Variants in NUMA1 observed in about 807,000 individuals in gnomAD.
NUMA1 encodes the protein SP-H antigen.
Under a neutral mutation model 237.1 loss-of-function variants are expected in NUMA1, and 62 were observed. The ratio of observed to expected loss-of-function variants is 0.26; its 90% CI spans 0.21 to 0.32. The LOEUF is 0.32. NUMA1 is among the 10% of genes least tolerant of loss of function. The pLI, the probability that NUMA1 is intolerant of heterozygous loss-of-function variation, is 1.00. For missense variants in NUMA1, 2,533 were observed against 2,666.5 expected, an observed-to-expected ratio of 0.95 and a Z score of 1.10; for synonymous variants, 1,028 against 1,066.1, an observed-to-expected ratio of 0.96 and a Z score of 0.70.
intron 1 of NUMA1, among the ~76,000 whole-genome samples, chr11:72,074,491 C>A (rs1344193191): frequency 6.6e-6 from 1 of 152,208 alleles, no homozygotes; most frequent in African/African-American, 2.4e-5. Flanking sequence ...GTGGTTTGTG[C>A]TTGTAATCCC....
chr11:72,033,756 C>T (rs1468549552), intron 3 of NUMA1, among the ~76,000 whole-genome samples: 1 of 152,176 alleles, frequency 6.6e-6, no homozygotes, highest in Admixed American at 6.5e-5. Flanking sequence ...CGCAGTGGCT[C>T]ATGCCTACAA....
chr11:72,077,351 ATCTT>A (rs1943757326), intron 1 of NUMA1, among the ~76,000 whole-genome samples: 1 of 152,230 alleles, frequency 6.6e-6, no homozygotes, highest in African/African-American at 2.4e-5. Context: ...AGCAAAGAAG[ATCTT>A]AAAAACAAAC....
intron 16 of NUMA1, 87 bp from the exon 17 acceptor site, chr11:72,010,941 G>T (rs1257211788): frequency 1.7e-6 from 2 of 1,164,718 alleles, no homozygotes; most frequent in Admixed American, 1.7e-5. Flanking sequence ...GGGTTTCCCA[G>T]ACCAGGATCC....
chr11:72,013,406 A>G lies in NUMA1; in HGVS notation c.4097T>C (p.Leu1366Pro). 1 of 1,612,628 alleles carries G rather than the reference A, an allele frequency of 6.2e-7. No individual in the cohort carries two copies. The highest frequency in any genetic ancestry group is 8.5e-7 in the Non-Finnish European group (1 of 1,179,908). Residue 1366 changes from leucine (L) to proline (P), a missense_variant, in exon 15 of 27, where the codon CTC (leucine) becomes CCC (proline). This residue lies in a region of NUMA1 where 324 missense variants were observed against 407.6 expected (regional missense o/e 0.79). Transcript: ENST00000393695. This position sits in a 1 kb window ranked among gnomAD's most constrained non-coding sequence, Gnocchi z 6.8. ...CTGCTCGGCCTGCAGCTGCTGGCAG[A>G]GGTGCTTAGCTGGCAGCAGCTCACT... is the stretch of plus-strand genomic sequence containing the variant. Reference protein sequence around the residue: ...LVSELLPAKHLCQQLQAEQAA... With the variant: ...LVSELLPAKHPCQQLQAEQAA...
chr11:72,033,516 G>A (rs1453137097), intron 3 of NUMA1, among the ~76,000 whole-genome samples: 1 of 151,882 alleles, frequency 6.6e-6, no homozygotes, highest in African/African-American at 2.4e-5. Flanking sequence ...GGAACCACAG[G>A]AGCACACCAC....
intron 2 of NUMA1, among the ~76,000 whole-genome samples, chr11:72,046,916 C>T (rs188366196): frequency 1.1e-4 from 17 of 151,414 alleles, no homozygotes; most frequent in African/African-American, 3.2e-4. Flanking sequence ...GCTGAGATTG[C>T]GCCATTGCAC....
rs1938358331 is a variant in NUMA1 at position 72,019,121 on chromosome 11, C to G, written c.585-141G>C. 6.0e-6 allele frequency: 5 copies of G among 826,572 alleles called. No homozygotes were observed. In the East Asian group the frequency reaches 1.3e-4, roughly 22 times the overall value. 51.2% of individuals were successfully genotyped at this position (826,572 alleles called of 1,614,324 possible). A position where few individuals can be genotyped will look rare whatever the true frequency, so the allele number is the denominator to read the frequency against. ...CTGTGCACCTGGGTTGTTTGCAGTG[C>G]TACCTCAAGCCTCATGACATGATCT... is the stretch of plus-strand genomic sequence containing the variant. On this transcript the variant is annotated intron_variant, in intron 9 of 26. Coordinates refer to ENST00000393695, the MANE Select transcript of NUMA1 (RefSeq NM_006185.4).
intron 9 of NUMA1, 55 bp downstream of exon 9, chr11:72,019,439 T>G: frequency 6.3e-7 from 1 of 1,597,828 alleles, no homozygotes; most frequent in Non-Finnish European, 8.5e-7. Context: ...GTTAGGAATG[T>G]GAGGAATGGA....
At chr11:72,019,099 T>C in intron 9 of NUMA1, 119 bp from the exon 10 acceptor site, 1 of 1,112,762 alleles carries the variant, frequency 9.0e-7, no homozygotes, top group South Asian at 1.5e-5. Flanking sequence ...GGGAGGCCTG[T>C]GCACCTGGGT....
intron 24 of NUMA1, 62 bp downstream of exon 24, chr11:72,004,578 T>C (rs759479132): frequency 1.3e-6 from 2 of 1,535,966 alleles, no homozygotes; most frequent in South Asian, 1.2e-5. Context: ...CTTTAGTCCT[T>C]GGTGAGCTGG....
intron 17 of NUMA1, among the ~76,000 whole-genome samples, chr11:72,010,013 C>G (rs908309777): frequency 2.0e-5 from 3 of 152,254 alleles, no homozygotes; most frequent in Non-Finnish European, 2.9e-5. Flanking sequence ...GCAAGGCCAA[C>G]AAGTGCTTTG....
At chr11:72,045,664 G>T (rs896525434) in intron 2 of NUMA1, among the ~76,000 whole-genome samples, 1 of 152,038 alleles carries the variant, frequency 6.6e-6, no homozygotes, top group Non-Finnish European at 1.5e-5. Flanking sequence ...TTTTTTTGTA[G>T]AGACAGAATT....
At position 72,003,540 on chromosome 11, in the gene NUMA1, TGAAA is replaced by T. The variant is rs1211472030; in HGVS notation, c.6337-6_6337-3del. 3 of 1,614,032 alleles carry T rather than the reference TGAAA, an allele frequency of 1.9e-6. No individual in the cohort carries two copies. Among genetic ancestry groups the T allele is most frequent in the Non-Finnish European group, 2.5e-6 (3 of 1,180,004 alleles). ...GGTACTGGCCCTTTAGTGCTTTGCC[TGAAA>T]GAGACACAGTCACATGGCCAGATGA... On this transcript the variant is annotated splice_polypyrimidine_tract_variant and splice_region_variant and intron_variant, in intron 26 of 26. Coordinates refer to ENST00000393695, the MANE Select transcript of NUMA1 (RefSeq NM_006185.4).
chr11:72,043,283 G>A (rs1423918198), intron 2 of NUMA1, among the ~76,000 whole-genome samples: 2 of 151,036 alleles, frequency 1.3e-5, no homozygotes, highest in African/African-American at 2.4e-5. Flanking sequence ...GCAACATGGC[G>A]AAACCCTGTT....
rs1955397797 is a variant in NUMA1, at chr11:72,003,433, A to T, written c.*94T>A. 1 of 1,243,038 alleles carries T rather than the reference A, an allele frequency of 8.0e-7. No homozygotes were observed. The highest frequency in any genetic ancestry group is 1.2e-6 in the Non-Finnish European group (1 of 841,470). The allele number at this position is 1,243,038 out of a possible 1,614,324, so 77.0% of individuals were successfully genotyped here. A position where few individuals can be genotyped will look rare whatever the true frequency, so the allele number is the denominator to read the frequency against. On this transcript the variant is annotated 3_prime_UTR_variant, in exon 27 of 27. Transcript: ENST00000393695. ...GGGGTTTGGCTACTGTTGGCCTGGG[A>T]GCTGAGAGAAGGCACTGAGAGGGAC...
rs549473225 is a variant in NUMA1, at chr11:72,013,724, T to A, written c.3779A>T (p.Glu1260Val). The change falls in exon 15 of 27, where the codon GAG becomes GTG. Residue 1260 changes from glutamate (E) to valine (V), a missense_variant. Around this residue, in one of 3 missense-constraint regions of NUMA1, gnomAD observed 324 missense variants for 407.6 expected, o/e 0.79. Transcript: ENST00000393695. The surrounding 1 kb of genome is among the most constrained non-coding windows in gnomAD (Gnocchi z 6.8). ...ELKRLVMAES[E>V]KSQKLEERLR... is the part of the protein sequence containing the mutation. ...CCTCTCCTCCAGCTTCTGGCTCTTC[T>A]CTGACTCGGCCATCACCAGCCGCTT... is the stretch of plus-strand genomic sequence containing the variant. The A allele has an allele frequency of 3.1e-6, 5 of 1,609,820 alleles. No homozygotes were observed. In the South Asian group the frequency reaches 5.5e-5, roughly 18 times the overall value.
At chr11:72,018,548 A>AGAAATATGTGCATGAGCG (rs1287350940) in intron 10 of NUMA1, 35 bp from the exon 11 acceptor site, 2 of 1,564,248 alleles carry the variant, frequency 1.3e-6, no homozygotes, top group Admixed American at 1.7e-5. Context: ...GAGGAGAATC[A>AGAAATATGTGCATGAGCG]GAACTATGTG....
chr11:72,018,202 T>C lies in NUMA1; in HGVS notation c.959A>G (p.Asn320Ser). ...DRKINQLSEE[N>S]GDLSFKLREF... ...ACCCACCTTAAAGGAAAGGTCTCCA[T>C]TCTCCTCCGAAAGCTGGTTGATTTT... Residue 320 changes from asparagine to serine, a missense_variant, in exon 12 of 27, where the codon AAT (asparagine) becomes AGT (serine). Physicochemically the swap from Asn to Ser is conservative, Grantham distance 46. This residue lies in a region of NUMA1 where 1,414 missense variants were observed against 1,508.1 expected (regional missense o/e 0.94). Coordinates refer to ENST00000393695, the MANE Select transcript of NUMA1 (RefSeq NM_006185.4). 6.2e-7 allele frequency: 1 copy of C among 1,613,762 alleles called. No individual in the cohort carries two copies. The highest frequency in any genetic ancestry group is 1.1e-5 in the South Asian group (1 of 91,068).
chr11:72,029,895 A>C (rs1301890290), intron 3 of NUMA1, among the ~76,000 whole-genome samples: 48 of 152,038 alleles, frequency 3.2e-4, no homozygotes, highest in Admixed American at 3.1e-3. Context: ...TGAAATATCT[A>C]TTCAAAACTT....
Sources: allele counts gnomAD v4.1 joint callset (sites outside exome capture counted in the v4.1 genomes callset), GRCh38; gene constraint gnomAD v4.1.1; regional missense constraint gnomAD v4.1.1; non-coding constraint Gnocchi (gnomAD v3.1); transcripts MANE v1.5; gene names NCBI Gene and HGNC (gene_info 2026-07-23, HGNC 2026-07-21).